The following CDV3 variants were observed in gnomAD, a reference collection of about 807,000 sequenced individuals.
The protein encoded by CDV3 is protein CDV3 homolog.
Under a neutral mutation model 24.5 loss-of-function variants are expected in CDV3, and 14 were observed. The ratio of observed to expected loss-of-function variants is 0.57; its 90% CI spans 0.38 to 0.89. The LOEUF (loss-of-function observed/expected upper bound fraction) is 0.89, where lower values mean the gene tolerates loss of function less well. Ranked by LOEUF, CDV3 falls within the 40% of genes least tolerant of loss-of-function variation. The pLI is 0.00. For synonymous variants in CDV3, 114 were observed against 114.1 expected, an observed-to-expected ratio of 1.00 and a Z score of 0.00; for missense variants, 304 against 310.2, an observed-to-expected ratio of 0.98 and a Z score of 0.15.
intron 3 of CDV3, among the ~76,000 whole-genome samples, chr3:133,586,093 CT>C (rs1300655914): frequency 6.6e-6 from 1 of 151,416 alleles, no homozygotes; most frequent in Non-Finnish European, 1.5e-5. Flanking sequence ...AATGTTTTCA[CT>C]TTTCTTTTTT....
At chr3:133,586,814 G>T in intron 4 of CDV3, 92 bp downstream of exon 4, 8 of 749,622 alleles carry the variant, frequency 1.1e-5, no homozygotes, top group Non-Finnish European at 1.9e-5. Context: ...ACCCAAGGGA[G>T]AGACTACTCC....
chr3:133,587,304 C>T (rs1933710919), intron 4 of CDV3: 9 of 1,258,190 alleles, frequency 7.2e-6, no homozygotes, highest in Non-Finnish European at 9.1e-6. Flanking sequence ...TTTGGGGTGG[C>T]TTTTAGAATA....
At chr3:133,579,573 G>A (rs1212803672) in intron 2 of CDV3, among the ~76,000 whole-genome samples, 6 of 151,936 alleles carry the variant, frequency 3.9e-5, no homozygotes. Flanking sequence ...ATTGTTGGAT[G>A]AAGAGTGTTT....
rs938389757 is a variant in CDV3 at position 133,576,996 on chromosome 3, C to T, written c.317+1881C>T. ...CCGAGTAGCTGGGATTACAGGCGCCCGCCACCACACCTGGCTAATTCTTGT... is the reference window on the plus strand; with the variant it reads ...CCGAGTAGCTGGGATTACAGGCGCCTGCCACCACACCTGGCTAATTCTTGT... On this transcript the variant is annotated intron_variant, in intron 2 of 4. Coordinates refer to ENST00000264993, the MANE Select transcript of CDV3 (RefSeq NM_017548.5). Among the ~76,000 whole-genome samples the T allele has an allele frequency of 1.4e-4, 21 of 150,256 alleles. No individual in the cohort carries two copies. The East Asian group carries it at 1.6e-3, about 11-fold the overall frequency.
At chr3:133,583,888 T>G in intron 2 of CDV3, 114 bp from the exon 3 acceptor site, 1 of 721,830 alleles carries the variant, frequency 1.4e-6, no homozygotes, top group South Asian at 2.0e-5. Context: ...ACGTTCAGTC[T>G]CGAAAGAGAT....
chr3:133,575,152 G>A, intron 2 of CDV3, 37 bp downstream of exon 2: 2 of 1,115,468 alleles, frequency 1.8e-6, no homozygotes, highest in East Asian at 2.3e-5. Context: ...GATAACCTTT[G>A]GGATAGATAT....
chr3:133,580,617 G>A (rs2074976117), intron 2 of CDV3, among the ~76,000 whole-genome samples: 1 of 152,102 alleles, frequency 6.6e-6, no homozygotes, highest in Non-Finnish European at 1.5e-5. Flanking sequence ...TAGAAGAATT[G>A]CTTGAACCCG....
At chr3:133,585,878 T>A (rs919666050) in intron 3 of CDV3, among the ~76,000 whole-genome samples, 1 of 152,144 alleles carries the variant, frequency 6.6e-6, no homozygotes, top group Non-Finnish European at 1.5e-5. Context: ...AGTCCACCAA[T>A]CAGGTAAAGA....
chr3:133,573,762 T>C lies in CDV3; in HGVS notation c.-283T>C, dbSNP rs967441135. On this transcript the variant is annotated 5_prime_UTR_variant, in exon 1 of 5. Transcript: ENST00000264993. ...GCGCGTGCCTTTTCCCCTCAGGTTGTGGGGAGAGCGGAATCCTGCTCCGCC... is the reference window on the plus strand; with the variant it reads ...GCGCGTGCCTTTTCCCCTCAGGTTGCGGGGAGAGCGGAATCCTGCTCCGCC... The C allele has an allele frequency of 6.6e-6, 1 of 152,196 alleles. No homozygotes were observed. Among genetic ancestry groups the C allele is most frequent in the African/African-American group, 2.4e-5 (1 of 41,378 alleles). 9.4% of individuals were successfully genotyped at this position (152,196 alleles called of 1,614,324 possible).
chr3:133,587,070 G>T, intron 4 of CDV3: 1 of 635,596 alleles, frequency 1.6e-6, no homozygotes, highest in Non-Finnish European at 2.5e-6. Context: ...AAATATAAAA[G>T]CGCTGTTTAA....
chr3:133,574,242 G>C lies in CDV3; in HGVS notation c.198G>C (p.Ala66=). The C allele has an allele frequency of 1.0e-6, 1 of 991,420 alleles. No individual in the cohort carries two copies. Among genetic ancestry groups the C allele is most frequent in the Non-Finnish European group, 1.2e-6 (1 of 834,868 alleles). 61.4% of individuals were successfully genotyped at this position (991,420 alleles called of 1,614,324 possible). Reference sequence around the variant, plus strand: ...CGGGTGACGGCGGGACCGCCAGCGCGGGGGCTGCGGGCCCAGGGGCCGCCA... The same window carrying C: ...CGGGTGACGGCGGGACCGCCAGCGCCGGGGCTGCGGGCCCAGGGGCCGCCA... ...TRPGDGGTAS[A]GAAGPGAATK... Residue 66 remains alanine (A), a synonymous_variant, in exon 1 of 5, where the codon GCG becomes GCC. Transcript: ENST00000264993.
At chr3:133,578,435 T>C (rs1308939789) in intron 2 of CDV3, among the ~76,000 whole-genome samples, 1 of 152,212 alleles carries the variant, frequency 6.6e-6, no homozygotes, top group African/African-American at 2.4e-5. Flanking sequence ...ACCTTTTAGG[T>C]AGAGCTGGTT....
At position 133,588,433 on chromosome 3, in the gene CDV3, A is replaced by C; in HGVS notation, c.*387A>C. 7.1e-7 allele frequency: 1 copy of C among 1,417,138 alleles called. No individual in the cohort carries two copies. The highest frequency in any genetic ancestry group is 9.6e-7 in the Non-Finnish European group (1 of 1,039,126). 87.8% of individuals were successfully genotyped at this position (1,417,138 alleles called of 1,614,324 possible). ...TTCATGTGGATCACAACTTCTGGAT[A>C]AGAAGATTACAACTATTAAGTGTCG... On this transcript the variant is annotated 3_prime_UTR_variant, in exon 5 of 5. Coordinates refer to ENST00000264993, the MANE Select transcript of CDV3 (RefSeq NM_017548.5).
intron 2 of CDV3, among the ~76,000 whole-genome samples, chr3:133,583,328 ACT>A (rs1184127425): frequency 6.6e-6 from 1 of 152,116 alleles, no homozygotes; most frequent in African/African-American, 2.4e-5. Flanking sequence ...AACTTTCAAA[ACT>A]CTTCATTTGC....
chr3:133,574,344 C>G, intron 1 of CDV3, 60 bp downstream of exon 1: 4 of 915,042 alleles, frequency 4.4e-6, no homozygotes, highest in Non-Finnish European at 5.2e-6. Flanking sequence ...CCCATGTGCC[C>G]GCCCCCGCCT....
At chr3:133,577,370 T>C in intron 2 of CDV3, among the ~76,000 whole-genome samples, 1 of 151,894 alleles carries the variant, frequency 6.6e-6, no homozygotes, top group Non-Finnish European at 1.5e-5. Context: ...TTTTCTTTTT[T>C]TTTTTTTGAG....
chr3:133,581,911 A>C (rs958400978), intron 2 of CDV3, among the ~76,000 whole-genome samples: 4 of 152,242 alleles, frequency 2.6e-5, no homozygotes, highest in African/African-American at 9.6e-5. Flanking sequence ...ACGAAAAGGA[A>C]AACTGAGAGA....
rs1933637781 is a variant in CDV3 at position 133,586,671 on chromosome 3, A to G, written c.575A>G (p.Asp192Gly). 6.2e-7 allele frequency: 1 copy of G among 1,600,686 alleles called. No homozygotes were observed. The highest frequency in any genetic ancestry group is 8.6e-7 in the Non-Finnish European group (1 of 1,167,860). ...CAAGGACCACCAGAAATCTACAGTG[A>G]TACACAGTTCCCATCCCTGCAGTCA... ...TPQGPPEIYS[D>G]TQFPSLQSTA... Residue 192 changes from aspartate (D) to glycine (G), a missense_variant, in exon 4 of 5, where the codon GAT becomes GGT. Coordinates refer to ENST00000264993, the MANE Select transcript of CDV3 (RefSeq NM_017548.5).
At chr3:133,587,700 C>A in intron 4 of CDV3, 196 bp from the exon 5 acceptor site, 2 of 1,361,256 alleles carry the variant, frequency 1.5e-6, no homozygotes, top group Admixed American at 3.2e-5. Flanking sequence ...GACCCTAGAG[C>A]TTCAATACAG....
Sources: gnomAD v4.1 joint callset for allele counts (sites outside exome capture counted in the v4.1 genomes callset) on GRCh38, gnomAD v4.1.1 for gene constraint, MANE v1.5 for transcripts, NCBI Gene and HGNC (gene_info 2026-07-23, HGNC 2026-07-21) for gene names.